Variants in CACNA2D3 observed in about 807,000 individuals in gnomAD.
CACNA2D3 encodes calcium voltage-gated channel auxiliary subunit alpha2delta 3, also known as voltage-dependent calcium channel subunit alpha-2/delta-3.
Under a neutral mutation model 160.6 loss-of-function variants are expected in CACNA2D3, and 60 were observed. The observed-to-expected ratio is 0.37, with a 90% CI of 0.30 to 0.46. The LOEUF (loss-of-function observed/expected upper bound fraction) is 0.46. Among genes scored for constraint, CACNA2D3 ranks in the 20% least tolerant of loss-of-function variants. The pLI, the probability that CACNA2D3 is intolerant of heterozygous loss-of-function variation, is 1.00. For missense variants in CACNA2D3, 1,205 were observed against 1,365.0 expected (o/e 0.88, Z 1.85); for synonymous variants, 558 against 492.9 (o/e 1.13, Z -1.75).
At chr3:54,476,889 T>A (rs1559492824) in intron 4 of CACNA2D3, among the ~76,000 whole-genome samples, 3 of 152,234 alleles carry the variant, frequency 2.0e-5, no homozygotes, top group Admixed American at 6.5e-5. Flanking sequence ...CATCAATAAC[T>A]TTATTTTATG....
chr3:54,267,112 T>C (rs942906251), intron 2 of CACNA2D3, among the ~76,000 whole-genome samples: 33 of 152,168 alleles, frequency 2.2e-4, no homozygotes, highest in Admixed American at 1.4e-3. Context: ...AAAAAGCAAA[T>C]ATTAAAGTTG....
At chr3:54,283,366 T>G (rs907938960) in intron 2 of CACNA2D3, among the ~76,000 whole-genome samples, 2 of 152,196 alleles carry the variant, frequency 1.3e-5, no homozygotes, top group Non-Finnish European at 2.9e-5. Context: ...TCCATGGATA[T>G]CTCCTGATGC....
chr3:55,036,757 C>T (rs577119156), intron 35 of CACNA2D3, among the ~76,000 whole-genome samples: 3 of 152,226 alleles, frequency 2.0e-5, no homozygotes, highest in African/African-American at 4.8e-5. Context: ...TGAGCCACTG[C>T]GCTCGGCCGT....
chr3:55,034,371 C>T (rs1703767989), intron 35 of CACNA2D3, among the ~76,000 whole-genome samples: 1 of 151,736 alleles, frequency 6.6e-6, no homozygotes, highest in Non-Finnish European at 1.5e-5. Flanking sequence ...TATGTCCTTA[C>T]TTCTCTTTGT....
intron 27 of CACNA2D3, among the ~76,000 whole-genome samples, chr3:54,911,963 G>T (rs1453950671): frequency 1.3e-5 from 2 of 152,136 alleles, no homozygotes; most frequent in Non-Finnish European, 2.9e-5. Flanking sequence ...GTGCAGCTTA[G>T]CTGAGTCCTC....
intron 2 of CACNA2D3, among the ~76,000 whole-genome samples, chr3:54,143,815 A>T (rs1205711526): frequency 6.6e-6 from 1 of 151,986 alleles, no homozygotes; most frequent in Non-Finnish European, 1.5e-5. Context: ...TAATATTTTG[A>T]TGTATTTCTT....
intron 11 of CACNA2D3, among the ~76,000 whole-genome samples, chr3:54,667,882 G>C (rs532417683): frequency 6.6e-6 from 1 of 151,624 alleles, no homozygotes; most frequent in South Asian, 2.1e-4. Flanking sequence ...GGGAGGTCAA[G>C]GCTGCAGTGA....
chr3:54,510,688 G>A (rs1355505246), intron 5 of CACNA2D3, among the ~76,000 whole-genome samples: 2 of 152,160 alleles, frequency 1.3e-5, no homozygotes, highest in African/African-American at 4.8e-5. Context: ...CTTGTATCCA[G>A]TGCTATGAGT....
chr3:54,388,710 T>C (rs1699230821), intron 4 of CACNA2D3, among the ~76,000 whole-genome samples: 1 of 148,022 alleles, frequency 6.8e-6, no homozygotes, highest in African/African-American at 2.5e-5. Flanking sequence ...GGCCATTTAC[T>C]GGCCACATTT....
intron 4 of CACNA2D3, among the ~76,000 whole-genome samples, chr3:54,400,056 C>G (rs1217643558): frequency 7.4e-6 from 1 of 135,010 alleles, no homozygotes; most frequent in South Asian, 2.6e-4. Flanking sequence ...GGGAGTGACC[C>G]GATTTTCCAG....
At chr3:54,565,967 G>A (rs1016508795) in intron 6 of CACNA2D3, among the ~76,000 whole-genome samples, 2 of 152,208 alleles carry the variant, frequency 1.3e-5, no homozygotes, top group African/African-American at 4.8e-5. Context: ...CTAGCTGCAA[G>A]AATAACACAT....
intron 13 of CACNA2D3, among the ~76,000 whole-genome samples, chr3:54,810,807 A>G (rs551034252): frequency 3.3e-5 from 5 of 152,350 alleles, no homozygotes; most frequent in Non-Finnish European, 7.3e-5. Context: ...AATCACCCCC[A>G]TGGGTCTGTG....
rs1704909839 is a variant in CACNA2D3, at chr3:55,074,504, T to TTGAAAC, written c.*299_*304dup. ...CAGTGTCCCTTCTGCTTGAAACCTA[T>TTGAAAC]TGAAACCAATTTAAAACTGTGTACT... On this transcript the variant is annotated 3_prime_UTR_variant, in exon 38 of 38. Transcript: ENST00000474759. The TTGAAAC allele has an allele frequency of 6.0e-6, 2 of 333,358 alleles. 1 individual carries two copies. The highest frequency in any genetic ancestry group is 9.6e-5 in the South Asian group (2 of 20,750). 20.7% of individuals were successfully genotyped at this position (333,358 alleles called of 1,614,324 possible). A position where few individuals can be genotyped will look rare whatever the true frequency, so the allele number is the denominator to read the frequency against.
chr3:54,871,143 C>T lies in CACNA2D3; in HGVS notation c.1627-396C>T, dbSNP rs77311435. ...CTGCTAACTAGTCTGCTATGATTTACAGAATTTACATTGTTTACATGTATA... is the reference window on the plus strand; with the variant it reads ...CTGCTAACTAGTCTGCTATGATTTATAGAATTTACATTGTTTACATGTATA... On this transcript the variant is annotated intron_variant, in intron 17 of 37. Coordinates refer to ENST00000474759, the MANE Select transcript of CACNA2D3 (RefSeq NM_018398.3). 2.3e-4 allele frequency among the ~76,000 whole-genome samples: 34 copies of T among 145,956 alleles called. No homozygotes were observed. In the East Asian group the frequency reaches 6.7e-3, roughly 29 times the overall value.
In CACNA2D3 at chr3:54,257,691, C is replaced by G. The variant is rs555869379; in HGVS notation, c.205-62751C>G. Among the ~76,000 whole-genome samples the G allele has an allele frequency of 9.2e-5, 14 of 152,152 alleles. No homozygotes were observed. In the South Asian group the frequency reaches 2.9e-3, roughly 32 times the overall value. On this transcript the variant is annotated intron_variant, in intron 2 of 37. Transcript: ENST00000474759. Reference sequence around the variant, plus strand: ...CTGGCCAACATTAAAGCAAGAAAACCTTAAGAGTGTTTCAATGAGTATAAA... The same window carrying G: ...CTGGCCAACATTAAAGCAAGAAAACGTTAAGAGTGTTTCAATGAGTATAAA...
chr3:54,704,403 G>A (rs1006823264), intron 11 of CACNA2D3, among the ~76,000 whole-genome samples: 1 of 152,130 alleles, frequency 6.6e-6, no homozygotes, highest in Non-Finnish European at 1.5e-5. Context: ...CTATTGGGGG[G>A]ACACTGGATC....
intron 14 of CACNA2D3, 86 bp from the exon 15 acceptor site, chr3:54,837,073 G>A: frequency 8.6e-7 from 1 of 1,164,018 alleles, no homozygotes; most frequent in East Asian, 2.3e-5. Context: ...CCCTGGTTTG[G>A]AAAGGACATG....
chr3:54,472,704 C>A (rs1243431160), intron 4 of CACNA2D3, among the ~76,000 whole-genome samples: 1 of 152,148 alleles, frequency 6.6e-6, no homozygotes, highest in African/African-American at 2.4e-5. Context: ...GATACAAAAT[C>A]AATGTGCAAA....
chr3:54,781,074 G>T (rs550223242), intron 13 of CACNA2D3, among the ~76,000 whole-genome samples: 33 of 152,026 alleles, frequency 2.2e-4, no homozygotes, highest in African/African-American at 7.7e-4. Context: ...GTTATTTAAG[G>T]GTTAAAATAA....
Sources: allele counts gnomAD v4.1 joint callset (sites outside exome capture counted in the v4.1 genomes callset), GRCh38; gene constraint gnomAD v4.1.1; transcripts MANE v1.5; gene names NCBI Gene and HGNC (gene_info 2026-07-23, HGNC 2026-07-21).